The following DACH2 variants were observed in gnomAD, a reference collection of about 807,000 sequenced individuals.
The protein encoded by DACH2 is dachshund homolog 2.
DACH2 carries 17 observed loss-of-function variants against 35.8 expected under a neutral mutation model. The observed-to-expected ratio is 0.48, with a 90% confidence interval of 0.33 to 0.71. DACH2 has a LOEUF of 0.71. Among genes scored for constraint, DACH2 ranks in the 30% least tolerant of loss-of-function variants. The probability of loss-of-function intolerance (pLI) is 0.02; values close to 1 mark genes in which losing one functional copy is unlikely to be tolerated. For missense variants in DACH2, 469 were observed against 472.7 expected, an observed-to-expected ratio of 0.99 and a Z score of 0.07; for synonymous variants, 195 against 177.3, an observed-to-expected ratio of 1.10 and a Z score of -0.79.
At chrX:86,705,582 T>G (rs1441195053) in intron 5 of DACH2, among the ~76,000 whole-genome samples, 3 of 111,183 alleles carry the variant, frequency 2.7e-5, no homozygotes, top group African/African-American at 9.9e-5. Flanking sequence ...ATTAAAATTT[T>G]TAAAAAATAT....
At chrX:86,429,403 T>G (rs965384316) in intron 2 of DACH2, among the ~76,000 whole-genome samples, 1 of 111,349 alleles carries the variant, frequency 9.0e-6, no homozygotes, top group South Asian at 3.8e-4. Context: ...AGAAAAGCAC[T>G]TGGGGCATTG....
chrX:86,457,323 G>C (rs1427956782), intron 2 of DACH2, among the ~76,000 whole-genome samples: 1 of 111,737 alleles, frequency 8.9e-6, no homozygotes, highest in Non-Finnish European at 1.9e-5. Context: ...TTACCTCAGG[G>C]AGACCAAGAG....
intron 1 of DACH2, among the ~76,000 whole-genome samples, chrX:86,171,542 T>G (rs2031126042): frequency 8.9e-6 from 1 of 111,827 alleles, no homozygotes; most frequent in African/African-American, 3.3e-5. Flanking sequence ...GGATTGGGGA[T>G]TCCCCTCTTA....
chrX:86,518,170 T>C (rs758931023), intron 3 of DACH2, among the ~76,000 whole-genome samples: 16 of 112,308 alleles, frequency 1.4e-4, no homozygotes, highest in Non-Finnish European at 2.8e-4. Flanking sequence ...TCCTATTCCT[T>C]ATTTTTGTCT....
intron 2 of DACH2, among the ~76,000 whole-genome samples, chrX:86,396,656 C>T (rs968502048): frequency 6.3e-5 from 7 of 110,574 alleles, no homozygotes; most frequent in Non-Finnish European, 1.3e-4. Flanking sequence ...ATCCTTTCCC[C>T]GTTGCTTGTT....
At chrX:86,475,894 G>A (rs1467889495) in intron 2 of DACH2, among the ~76,000 whole-genome samples, 2 of 111,762 alleles carry the variant, frequency 1.8e-5, no homozygotes, top group Non-Finnish European at 3.8e-5. Flanking sequence ...AAAGGATGTT[G>A]AGTTGTTTTG....
At chrX:86,741,236 C>T (rs2041652407) in intron 7 of DACH2, among the ~76,000 whole-genome samples, 1 of 111,385 alleles carries the variant, frequency 9.0e-6, no homozygotes, top group Non-Finnish European at 1.9e-5. Context: ...TGAAGACTAT[C>T]TCTTGGGGAA....
chrX:86,544,094 A>C (rs1380867532), intron 3 of DACH2, among the ~76,000 whole-genome samples: 1 of 111,930 alleles, frequency 8.9e-6, no homozygotes, highest in Non-Finnish European at 1.9e-5. Context: ...TCAGACAATA[A>C]TAAAGAAAAA....
At chrX:86,398,571 G>C (rs929092854) in intron 2 of DACH2, among the ~76,000 whole-genome samples, 2 of 111,899 alleles carry the variant, frequency 1.8e-5, no homozygotes, top group African/African-American at 3.3e-5. Flanking sequence ...ATGTGTCCCA[G>C]AGATTCTGGT....
intron 3 of DACH2, among the ~76,000 whole-genome samples, chrX:86,526,517 T>G (rs1254006417): frequency 1.8e-5 from 2 of 111,471 alleles, no homozygotes; most frequent in Non-Finnish European, 3.8e-5. Flanking sequence ...GAACTAATTT[T>G]CAGTTTATGT....
chrX:86,303,741 T>TATAC (rs1271195133), intron 1 of DACH2, among the ~76,000 whole-genome samples: 1 of 110,670 alleles, frequency 9.0e-6, no homozygotes, highest in Non-Finnish European at 1.9e-5. Flanking sequence ...TATATATATA[T>TATAC]ATCTTTCTGT....
chrX:86,251,147 A>G (rs2033391142), intron 1 of DACH2, among the ~76,000 whole-genome samples: 1 of 110,968 alleles, frequency 9.0e-6, no homozygotes, highest in Admixed American at 9.6e-5. Flanking sequence ...AATGTTATTA[A>G]AAGTATGTAA....
chrX:86,806,113 C>T (rs185372144), intron 7 of DACH2, among the ~76,000 whole-genome samples: 80 of 111,081 alleles, frequency 7.2e-4, no homozygotes, highest in African/African-American at 2.5e-3. Flanking sequence ...TCTTGCACTG[C>T]TATAAAGAAA....
chrX:86,542,452 C>T (rs754739523), intron 3 of DACH2, among the ~76,000 whole-genome samples: 3 of 111,234 alleles, frequency 2.7e-5, no homozygotes, highest in East Asian at 5.7e-4. Flanking sequence ...TCAGGGCAAC[C>T]TTTGGGGTGC....
rs977468435 is a variant in DACH2 at position 86,597,224 on chromosome X, G to A, written c.641-53812G>A. On this transcript the variant is annotated intron_variant, in intron 3 of 11. Coordinates refer to ENST00000373125, the MANE Select transcript of DACH2 (RefSeq NM_053281.3). ...TTGAGTCTGTTAATTGCTGTGGTGAGCACTGACATCTTAACAATATTGTTT... is the reference window on the plus strand; with the variant it reads ...TTGAGTCTGTTAATTGCTGTGGTGAACACTGACATCTTAACAATATTGTTT... Among the ~76,000 whole-genome samples the A allele has an allele frequency of 5.5e-4, 61 of 111,871 alleles. 4 individuals carry two copies. Among genetic ancestry groups the A allele is most frequent in the Non-Finnish European group, 3.8e-5 (2 of 53,173 alleles).
At chrX:86,584,776 T>A (rs1162204875) in intron 3 of DACH2, among the ~76,000 whole-genome samples, 1 of 111,238 alleles carries the variant, frequency 9.0e-6, no homozygotes, top group East Asian at 2.8e-4. Flanking sequence ...ATCCAGGTAG[T>A]GACTATAGTA....
chrX:86,186,643 G>T (rs1048538066), intron 1 of DACH2, among the ~76,000 whole-genome samples: 1 of 111,443 alleles, frequency 9.0e-6, no homozygotes, highest in African/African-American at 3.3e-5. Context: ...CATCTCGGCT[G>T]CACAGGATTT....
rs1009718956 is a variant in DACH2 at position 86,402,303 on chromosome X, A to T, written c.527+25441A>T. The stretch of plus-strand genomic sequence containing the variant: ...TGAAAACTCTAAAGAGTCTGCTAAA[A>T]GGCTCCTAGAACTGATAAACAACTT... On this transcript the variant is annotated intron_variant, in intron 2 of 11. Coordinates refer to ENST00000373125, the MANE Select transcript of DACH2 (RefSeq NM_053281.3). 2.7e-5 allele frequency among the ~76,000 whole-genome samples: 3 copies of T among 112,202 alleles called. No homozygotes were observed. In the Admixed American group the frequency reaches 2.8e-4, roughly 11 times the overall value.
chrX:86,409,339 C>T (rs2036573888), intron 2 of DACH2, among the ~76,000 whole-genome samples: 1 of 111,116 alleles, frequency 9.0e-6, no homozygotes, highest in African/African-American at 3.3e-5. Context: ...CATATTGATA[C>T]TGATGTAGTT....
Sources: allele counts gnomAD v4.1 joint callset (sites outside exome capture counted in the v4.1 genomes callset), GRCh38; gene constraint gnomAD v4.1.1; transcripts MANE v1.5; gene names NCBI Gene and HGNC (gene_info 2026-07-23, HGNC 2026-07-21).